The following BRD8 variants were observed in gnomAD, a reference collection of about 807,000 sequenced individuals.
BRD8 encodes the protein bromodomain-containing protein 8.
Under a neutral mutation model 143.1 loss-of-function variants are expected in BRD8, and 67 were observed. That is an observed-to-expected ratio of 0.47 (90% CI 0.38 to 0.57). The LOEUF (loss-of-function observed/expected upper bound fraction) is 0.57, where lower values mean the gene tolerates loss of function less well. Among genes scored for constraint, BRD8 ranks in the 20% least tolerant of loss-of-function variants. The probability of loss-of-function intolerance (pLI) is 0.00; values close to 1 mark genes in which losing one functional copy is unlikely to be tolerated. For missense variants in BRD8, 1,103 were observed against 1,503.0 expected (o/e 0.73, Z 4.40); for synonymous variants, 505 against 517.1 (o/e 0.98, Z 0.32).
chr5:138,140,821 G>A lies in BRD8; in HGVS notation c.3499C>T (p.Gln1167Ter), dbSNP rs1198979139. The change falls in exon 26 of 27, where the codon CAA becomes TAA. Residue 1167 changes from glutamine (Q) to a stop codon, truncating the protein, a stop_gained. Transcript: ENST00000254900. LOFTEE classifies it high-confidence loss of function. ...ATCAGCATCAGGTCTCGCAGGAATT[G>A]GGCCATGGTGCGAATCCGACCCTTA... ...LSKGRIRTMA[Q>*]FLRDLMLMFQ... The A allele has an allele frequency of 1.9e-6, 3 of 1,614,034 alleles. No homozygotes were observed. Among genetic ancestry groups the A allele is most frequent in the Non-Finnish European group, 2.5e-6 (3 of 1,180,042 alleles).
At chr5:138,159,639 A>C (rs777000496) in intron 19 of BRD8, 40 bp from the exon 20 acceptor site, 2 of 1,605,860 alleles carry the variant, frequency 1.2e-6, no homozygotes, top group Non-Finnish European at 1.7e-6. Context: ...GTTCCACAGA[A>C]ACTCTCAGCC....
intron 17 of BRD8, 82 bp downstream of exon 17, chr5:138,161,714 T>C (rs983716746): frequency 1.4e-6 from 2 of 1,435,914 alleles, no homozygotes; most frequent in African/African-American, 1.4e-5. Context: ...TGCTTTAAAC[T>C]TTCTATCGAA....
rs757387442 is a variant in BRD8, at chr5:138,165,988, C to A, written c.1118G>T (p.Arg373Leu). The change falls in exon 11 of 27, where the codon CGA (arginine) becomes CTA (leucine). Residue 373 changes from arginine (R) to leucine (L), a missense_variant. Transcript: ENST00000254900. The part of the protein sequence containing the change: ...IINSIKEECF[R>L]SGVAEAPVGS... ...AACAGGAGCCTCTGCTACCCCTGAT[C>A]GAAAACACTCTTCTTTGATAGAATT... is the stretch of plus-strand genomic sequence containing the variant. 3.1e-6 allele frequency: 5 copies of A among 1,614,160 alleles called. No homozygotes were observed. The South Asian group carries it at 4.4e-5, about 14-fold the overall frequency.
intron 14 of BRD8, 190 bp from the exon 15 acceptor site, chr5:138,163,534 AAAG>A: frequency 6.8e-7 from 1 of 1,465,094 alleles, no homozygotes; most frequent in South Asian, 1.3e-5. Context: ...GAACCTGGAC[AAAG>A]AATAATACCC....
rs1468046396 is a variant in BRD8, at chr5:138,150,755, T to G, written c.3110A>C (p.Glu1037Ala). The change falls in exon 22 of 27, where the codon GAG becomes GCG. Residue 1037 changes from glutamate (E) to alanine (A), a missense_variant. Around this residue, in one of 7 missense-constraint regions of BRD8, gnomAD observed 369 missense variants for 445.5 expected, o/e 0.83. Transcript: ENST00000254900. The part of the protein sequence containing the change: ...VICTVQGLLT[E>A]SEEGEAQQES... Reference sequence around the variant, plus strand: ...AAGTTACTTTCTTACCTCTTCACTCTCTGTGAGTAGTCCCTGAACTGTACA... The same window carrying G: ...AAGTTACTTTCTTACCTCTTCACTCGCTGTGAGTAGTCCCTGAACTGTACA... The G allele has an allele frequency of 6.2e-7, 1 of 1,608,988 alleles. No homozygotes were observed. The highest frequency in any genetic ancestry group is 1.3e-5 in the African/African-American group (1 of 74,564).
At position 138,166,513 on chromosome 5, in the gene BRD8, C is replaced by T. The variant is rs1254777484; in HGVS notation, c.997+5G>A. ...TTTAGATCTAGTGGCTGCTCAGGGA[C>T]GCACCTGGAGCTACACTTTCAGTAG... On this transcript the variant is annotated splice_donor_5th_base_variant and intron_variant, in intron 10 of 26. Coordinates refer to ENST00000254900, the MANE Select transcript of BRD8 (RefSeq NM_139199.2). 2.5e-6 allele frequency: 4 copies of T among 1,583,630 alleles called. No individual in the cohort carries two copies. Among genetic ancestry groups the T allele is most frequent in the South Asian group, 1.1e-5 (1 of 87,734 alleles).
intron 6 of BRD8, 176 bp downstream of exon 6, chr5:138,170,656 A>G (rs1474538011): frequency 2.4e-5 from 18 of 745,030 alleles, no homozygotes; most frequent in Non-Finnish European, 3.6e-5. Context: ...GTCCCATTAT[A>G]TTACCTTCTA....
Position 138,166,025 on chromosome 5 carries a change from A to T in BRD8, c.1081T>A (p.Ser361Thr), listed in dbSNP as rs957218537. The change falls in exon 11 of 27, where the codon TCC (serine) becomes ACC (threonine). Residue 361 changes from serine (S) to threonine (T), a missense_variant. Ser to Thr is a moderately conservative substitution (Grantham distance 58). Coordinates refer to ENST00000254900, the MANE Select transcript of BRD8 (RefSeq NM_139199.2). ...TCTTTGATAGAATTGATGATCATGG[A>T]TATTTCACTGCTGTCCATGGAAACA... ...VTVSMDSSEI[S>T]MIINSIKEEC... 6.2e-7 allele frequency: 1 copy of T among 1,614,066 alleles called. No individual in the cohort carries two copies. Among genetic ancestry groups the T allele is most frequent in the Non-Finnish European group, 8.5e-7 (1 of 1,180,036 alleles).
At chr5:138,176,324 G>A (rs1754332989) in intron 2 of BRD8, among the ~76,000 whole-genome samples, 1 of 152,184 alleles carries the variant, frequency 6.6e-6, no homozygotes, top group African/African-American at 2.4e-5. Flanking sequence ...TGGGTATGGT[G>A]GCTCACACTT....
chr5:138,155,326 GT>G (rs1211978152), intron 20 of BRD8, among the ~76,000 whole-genome samples: 2 of 151,400 alleles, frequency 1.3e-5, no homozygotes, highest in Non-Finnish European at 2.9e-5. Flanking sequence ...GTGCATGCCT[GT>G]GATCCCAGCT....
Position 138,173,560 on chromosome 5 carries a change from CAT to C in BRD8, c.117-1428_117-1427del, listed in dbSNP as rs765730303. ...ATGTGTATACACACACACACACACA[CAT>C]ACAAAACACACATTGTTTTTGTTTA... On this transcript the variant is annotated intron_variant, in intron 2 of 26. Transcript: ENST00000254900. 1.1e-4 allele frequency among the ~76,000 whole-genome samples: 17 copies of C among 152,082 alleles called. 1 individual carries two copies. Among genetic ancestry groups the C allele is most frequent in the East Asian group, 9.7e-4 (5 of 5,176 alleles).
At position 138,160,176 on chromosome 5, in the gene BRD8, G is replaced by T. The variant is rs1303572719; in HGVS notation, c.2428-3C>A. The T allele has an allele frequency of 5.6e-6, 9 of 1,611,694 alleles. No homozygotes were observed. The highest frequency in any genetic ancestry group is 5.9e-6 in the Non-Finnish European group (7 of 1,177,892). On this transcript the variant is annotated splice_polypyrimidine_tract_variant and splice_region_variant and intron_variant, in intron 18 of 26. Transcript: ENST00000254900. ...ATCAACTGCGTGGCCAAGAATTGCT[G>T]TAGGGAGAAGAAACAGGGTAGGCCA...
chr5:138,140,304 A>G (rs1751850874), intron 26 of BRD8, 138 bp from the exon 27 acceptor site: 5 of 648,950 alleles, frequency 7.7e-6, no homozygotes, highest in Non-Finnish European at 1.1e-5. Context: ...AAACCCACAA[A>G]TGTCTTCTAG....
At chr5:138,146,539 T>C (rs1237193295) in intron 23 of BRD8, among the ~76,000 whole-genome samples, 1 of 152,098 alleles carries the variant, frequency 6.6e-6, no homozygotes, top group Non-Finnish European at 1.5e-5. Flanking sequence ...CTGTATTTGT[T>C]GTAGAGACAA....
intron 21 of BRD8, among the ~76,000 whole-genome samples, chr5:138,151,746 T>G (rs1752377219): frequency 6.6e-6 from 1 of 151,978 alleles, no homozygotes; most frequent in Non-Finnish European, 1.5e-5. Context: ...TCACTGCAAC[T>G]TCCGCCTCCC....
At chr5:138,147,739 C>T (rs1752210572) in intron 23 of BRD8, among the ~76,000 whole-genome samples, 1 of 152,106 alleles carries the variant, frequency 6.6e-6, no homozygotes, top group Non-Finnish European at 1.5e-5. Flanking sequence ...AGTTTGAGAC[C>T]AGTCTGGTCA....
chr5:138,153,444 T>C (rs984844987), intron 20 of BRD8, among the ~76,000 whole-genome samples: 1 of 152,116 alleles, frequency 6.6e-6, no homozygotes, highest in Admixed American at 6.6e-5. Flanking sequence ...AATGTATATA[T>C]ACTTTGAGGT....
At chr5:138,157,246 G>A (rs1752661541) in intron 20 of BRD8, 1 of 1,613,638 alleles carries the variant, frequency 6.2e-7, no homozygotes, top group Non-Finnish European at 8.5e-7. Flanking sequence ...ATGGCACAGC[G>A]GCGTCCCCTG....
chr5:138,155,135 T>G (rs1238499602), intron 20 of BRD8, among the ~76,000 whole-genome samples: 1 of 135,636 alleles, frequency 7.4e-6, no homozygotes, highest in African/African-American at 2.5e-5. Context: ...CCGGCACTAT[T>G]TCATTTCACT....
Sources: allele counts gnomAD v4.1 joint callset (sites outside exome capture counted in the v4.1 genomes callset), GRCh38; gene constraint gnomAD v4.1.1; regional missense constraint gnomAD v4.1.1; transcripts MANE v1.5; gene names NCBI Gene and HGNC (gene_info 2026-07-23, HGNC 2026-07-21).